CORO2B: variants seen among roughly 807,000 people sequenced by gnomAD.
The protein encoded by CORO2B is coronin-2B.
A neutral mutation model predicts 58.8 loss-of-function variants in CORO2B; 26 were observed. The ratio of observed to expected loss-of-function variants is 0.44; its 90% CI spans 0.32 to 0.61. CORO2B has a LOEUF of 0.61. CORO2B is among the 20% of genes least tolerant of loss of function. The pLI is 0.04. For synonymous variants in CORO2B, 242 were observed against 253.8 expected (o/e 0.95, Z 0.44); for missense variants, 460 against 645.1 (o/e 0.71, Z 3.11).
At chr15:68,652,404 C>T (rs1236453789) in intron 2 of CORO2B, among the ~76,000 whole-genome samples, 3 of 152,208 alleles carry the variant, frequency 2.0e-5, no homozygotes, top group Non-Finnish European at 2.9e-5. Flanking sequence ...ACCACTGGGG[C>T]CTCCCCAGGG....
intron 2 of CORO2B, among the ~76,000 whole-genome samples, chr15:68,692,359 C>A (rs1448018883): frequency 6.6e-6 from 1 of 152,012 alleles, no homozygotes; most frequent in African/African-American, 2.4e-5. Flanking sequence ...CCAAAGCAGG[C>A]GGATCACCTG....
chr15:68,690,004 A>G (rs1037167892), intron 2 of CORO2B, among the ~76,000 whole-genome samples: 2 of 152,226 alleles, frequency 1.3e-5, no homozygotes, highest in African/African-American at 4.8e-5. Context: ...TAAACTTGCA[A>G]TTAAGTTATA....
At chr15:68,665,112 T>C (rs1902152051) in intron 2 of CORO2B, among the ~76,000 whole-genome samples, 1 of 152,218 alleles carries the variant, frequency 6.6e-6, no homozygotes, top group African/African-American at 2.4e-5. Context: ...TTTTAGAATT[T>C]CATTCTTATA....
the CORO2B span, among the ~76,000 whole-genome samples, chr15:68,543,585 A>G: frequency 6.6e-6 from 1 of 152,122 alleles, no homozygotes; most frequent in Non-Finnish European, 1.5e-5. Flanking sequence ...TGCAACTCTA[A>G]GGCCAGCAAG....
the CORO2B span, among the ~76,000 whole-genome samples, chr15:68,535,351 A>C: frequency 1.3e-5 from 2 of 152,236 alleles, no homozygotes; most frequent in Admixed American, 1.3e-4. Context: ...GTATGACCTT[A>C]GTCAATTTAC....
intron 1 of CORO2B, among the ~76,000 whole-genome samples, chr15:68,589,809 A>G (rs974856843): frequency 1.3e-5 from 2 of 152,240 alleles, no homozygotes; most frequent in East Asian, 3.9e-4. Context: ...CAAGTGACCA[A>G]CTAGGAGCGC....
the CORO2B span, among the ~76,000 whole-genome samples, chr15:68,538,770 G>GA: frequency 6.6e-6 from 1 of 152,038 alleles, no homozygotes; most frequent in Non-Finnish European, 1.5e-5. Context: ...CCTACTGGGA[G>GA]AGAAGAGGAT....
intron 2 of CORO2B, among the ~76,000 whole-genome samples, chr15:68,678,192 C>A (rs190256241): frequency 6.6e-6 from 1 of 152,342 alleles, no homozygotes; most frequent in Non-Finnish European, 1.5e-5. Flanking sequence ...ACCTTTCCCA[C>A]TGAGTCTGGG....
chr15:68,674,360 C>A (rs181161313), intron 2 of CORO2B, among the ~76,000 whole-genome samples: 1 of 152,228 alleles, frequency 6.6e-6, no homozygotes, highest in African/African-American at 2.4e-5. Flanking sequence ...ACAGACGAGG[C>A]CATCAGAATG....
the CORO2B span, among the ~76,000 whole-genome samples, chr15:68,539,884 C>T: frequency 1.3e-5 from 2 of 152,190 alleles, no homozygotes; most frequent in Non-Finnish European, 2.9e-5. Context: ...CTGGATTCTC[C>T]TTCCTGCTTT....
chr15:68,554,797 G>T, the CORO2B span, among the ~76,000 whole-genome samples: 1 of 152,210 alleles, frequency 6.6e-6, no homozygotes, highest in African/African-American at 2.4e-5. Context: ...CGGAGCCAGG[G>T]CTCCTTCCCA....
intron 11 of CORO2B, among the ~76,000 whole-genome samples, chr15:68,721,431 C>T (rs978515798): frequency 1.3e-5 from 2 of 152,048 alleles, no homozygotes; most frequent in East Asian, 1.9e-4. Flanking sequence ...ACGGGCTGGG[C>T]GCCGTAGCTC....
intron 3 of CORO2B, among the ~76,000 whole-genome samples, chr15:68,698,340 G>A (rs1208240924): frequency 6.6e-6 from 1 of 152,146 alleles, no homozygotes; most frequent in Non-Finnish European, 1.5e-5. Flanking sequence ...AGGGCTCCTG[G>A]AATCACTGGC....
intron 3 of CORO2B, among the ~76,000 whole-genome samples, chr15:68,698,223 C>T (rs1892560017): frequency 6.6e-6 from 1 of 152,232 alleles, no homozygotes; most frequent in Admixed American, 6.5e-5. Context: ...GCTTCCTCAT[C>T]ACAGACAGCC....
In CORO2B at chr15:68,579,022, AG is replaced by A. The variant is rs1321802362; in HGVS notation, c.-239del. On this transcript the variant is annotated 5_prime_UTR_variant, in exon 1 of 12. Transcript: ENST00000261861. ...CTGCCTCGCCTTCCTGCGGCGAAGG[AG>A]GCTCATCTATTATAAATGCACATTC... The A allele has an allele frequency of 8.2e-6, 8 of 981,326 alleles. No homozygotes were observed. Among genetic ancestry groups the A allele is most frequent in the Non-Finnish European group, 7.2e-6 (6 of 829,316 alleles). The allele number at this position is 981,326 out of a possible 1,614,324, so 60.8% of individuals were successfully genotyped here.
upstream of CORO2B, among the ~76,000 whole-genome samples, chr15:68,574,598 T>A (rs1899244352): frequency 6.6e-6 from 1 of 151,046 alleles, no homozygotes; most frequent in Non-Finnish European, 1.5e-5. Flanking sequence ...TGGACTTGAA[T>A]CAGGAGGTTA....
intron 2 of CORO2B, among the ~76,000 whole-genome samples, chr15:68,664,191 A>ATT (rs200639421): frequency 6.6e-6 from 1 of 150,376 alleles, no homozygotes; most frequent in East Asian, 1.9e-4. Context: ...GATCTCTGTA[A>ATT]TTTTTTTTTT....
the CORO2B span, among the ~76,000 whole-genome samples, chr15:68,546,932 G>T: frequency 6.6e-6 from 1 of 152,046 alleles, no homozygotes; most frequent in African/African-American, 2.4e-5. Flanking sequence ...CGCATCTTAC[G>T]TACCAATGGA....
At chr15:68,608,710 T>C (rs1900181510) in intron 1 of CORO2B, among the ~76,000 whole-genome samples, 1 of 152,128 alleles carries the variant, frequency 6.6e-6, no homozygotes, top group African/African-American at 2.4e-5. Context: ...TCCTGAATGG[T>C]TGGAGCCTCA....
Sources: allele counts gnomAD v4.1 joint callset (sites outside exome capture counted in the v4.1 genomes callset), GRCh38; gene constraint gnomAD v4.1.1; transcripts MANE v1.5; gene names NCBI Gene and HGNC (gene_info 2026-07-23, HGNC 2026-07-21).